CCNB3: variants seen among roughly 807,000 people sequenced by gnomAD.
CCNB3 encodes the protein G2/mitotic-specific cyclin-B3.
In CCNB3, 12 loss-of-function variants were observed where a neutral mutation model predicts 68.0. The observed-to-expected ratio is 0.18, with a 90% CI of 0.11 to 0.29. The LOEUF is 0.29. Ranked by LOEUF, CCNB3 falls within the 10% of genes least tolerant of loss-of-function variation. The pLI is 1.00. For synonymous variants in CCNB3, 354 were observed against 388.9 expected, an observed-to-expected ratio of 0.91 and a Z score of 1.06; for missense variants, 904 against 993.1, an observed-to-expected ratio of 0.91 and a Z score of 1.21.
intron 8 of CCNB3, among the ~76,000 whole-genome samples, chrX:50,337,948 G>A (rs527547406): frequency 1.8e-5 from 2 of 112,276 alleles, no homozygotes; most frequent in African/African-American, 3.2e-5. Context: ...ATTAGGCCAC[G>A]CTTCCACTCA....
intron 1 of CCNB3, among the ~76,000 whole-genome samples, chrX:50,228,686 A>ATATATATAGAATG (rs1372390663): frequency 2.3e-3 from 189 of 82,579 alleles, no homozygotes; most frequent in African/African-American, 8.5e-3. Flanking sequence ...TATATAGAAT[A>ATATATATAGAATG]TATACATAGA....
At chrX:50,279,528 T>G (rs1315338165) in intron 1 of CCNB3, among the ~76,000 whole-genome samples, 1 of 84,266 alleles carries the variant, frequency 1.2e-5, no homozygotes, top group South Asian at 5.4e-4. Context: ...TATAAAGATA[T>G]ATGAATATAT....
In CCNB3 at chrX:50,226,368, A is replaced by G. The variant is rs1935798138; in HGVS notation, c.-113+21418A>G. Among the ~76,000 whole-genome samples the G allele has an allele frequency of 4.3e-5, 3 of 69,195 alleles. No individual in the cohort carries two copies. The Admixed American group carries it at 6.9e-4, about 16-fold the overall frequency. The allele number at this position is 69,195 out of a possible 115,157, so 60.1% of individuals were successfully genotyped here. A position where few individuals can be genotyped will look rare whatever the true frequency, so the allele number is the denominator to read the frequency against. The stretch of plus-strand genomic sequence containing the variant: ...ATATATATAAAAATATGTATAGAAT[A>G]TATATAAAAATATATATATAGAATA... On this transcript the variant is annotated intron_variant, in intron 1 of 12. Coordinates refer to ENST00000376042, the MANE Select transcript of CCNB3 (RefSeq NM_033031.3).
chrX:50,213,701 C>T (rs1436575132), intron 1 of CCNB3, among the ~76,000 whole-genome samples: 1 of 111,329 alleles, frequency 9.0e-6, no homozygotes, highest in Admixed American at 9.6e-5. Context: ...TGGGACTATT[C>T]AAATGATGTA....
chrX:50,279,385 A>G (rs1488304997), intron 1 of CCNB3, among the ~76,000 whole-genome samples: 1 of 78,642 alleles, frequency 1.3e-5, no homozygotes, highest in African/African-American at 5.1e-5. Context: ...AATATATGAA[A>G]TATTTTGTAT....
rs782055594 is a variant in CCNB3 at position 50,312,537 on chromosome X, A to G, written c.3328A>G (p.Ile1110Val). 1.0e-5 allele frequency: 12 copies of G among 1,197,435 alleles called. No individual in the cohort carries two copies. The South Asian group carries it at 1.8e-4, about 18-fold the overall frequency. The part of the protein sequence containing the change: ...SPQAKGTPKE[I>V]TPREDIDEDS... ...TGTCTTTTTGGTGATTTCTAAGCAG[A>G]TAACCCCACGGGAAGATATTGATGA... Residue 1110 changes from isoleucine (I) to valine (V), a missense_variant and splice_region_variant, in exon 7 of 13, where the codon ATA (isoleucine) becomes GTA (valine). By Grantham distance (29) the Ile-to-Val change is conservative. Around this residue, in one of 2 missense-constraint regions of CCNB3, gnomAD observed 285 missense variants for 383.4 expected, o/e 0.74. Transcript: ENST00000376042.
chrX:50,343,711 A>C (rs917383757), intron 9 of CCNB3, among the ~76,000 whole-genome samples: 1 of 111,883 alleles, frequency 8.9e-6, no homozygotes, highest in African/African-American at 3.3e-5. Context: ...GTCTCAAAAG[A>C]AATTTTTTTT....
chrX:50,207,908 T>C (rs76631855), intron 1 of CCNB3, among the ~76,000 whole-genome samples: 1 of 111,377 alleles, frequency 9.0e-6, no homozygotes, highest in East Asian at 2.8e-4. Context: ...TCCATCACAC[T>C]CCAGCCACCC....
At chrX:50,204,473 C>G (rs1339273928), upstream of CCNB3, 5 of 108,081 alleles carry the variant, frequency 4.6e-5, no homozygotes, top group African/African-American at 1.7e-4. Context: ...TGCTTGGCAG[C>G]ACTGGCCACT....
chrX:50,326,588 T>C (rs1557217325), intron 8 of CCNB3, among the ~76,000 whole-genome samples: 1 of 111,333 alleles, frequency 9.0e-6, no homozygotes, highest in Non-Finnish European at 1.9e-5. Flanking sequence ...ATTGATTTGG[T>C]TTTGGCAGTA....
intron 5 of CCNB3, among the ~76,000 whole-genome samples, chrX:50,302,972 A>G (rs782558043): frequency 3.6e-5 from 4 of 111,316 alleles, no homozygotes; most frequent in East Asian, 5.7e-4. Flanking sequence ...TTTTGTGTAT[A>G]TACTTAGGAG....
intron 5 of CCNB3, among the ~76,000 whole-genome samples, chrX:50,308,077 C>T (rs1411634044): frequency 8.9e-6 from 1 of 111,996 alleles, no homozygotes; most frequent in East Asian, 2.8e-4. Context: ...AATTACCAGC[C>T]CATCTCTCTC....
chrX:50,308,468 C>A lies in CCNB3; in HGVS notation c.336-37C>A, dbSNP rs1324391229. On this transcript the variant is annotated intron_variant, in intron 5 of 12. Transcript: ENST00000376042. ...AAATGGTAGGTGAGGATTCTAGGAACTACATTTTTCTTACCCAGACATTGT... is the reference window on the plus strand; with the variant it reads ...AAATGGTAGGTGAGGATTCTAGGAAATACATTTTTCTTACCCAGACATTGT... 3 of 941,416 alleles carry A rather than the reference C, an allele frequency of 3.2e-6. No individual in the cohort carries two copies. In the African/African-American group the frequency reaches 6.0e-5, roughly 19 times the overall value. 77.6% of individuals were successfully genotyped at this position (941,416 alleles called of 1,213,427 possible).
chrX:50,228,095 ATAAT>A (rs1935949326), intron 1 of CCNB3, among the ~76,000 whole-genome samples: 1 of 87,574 alleles, frequency 1.1e-5, no homozygotes, highest in African/African-American at 4.3e-5. Flanking sequence ...GAGAATATAT[ATAAT>A]ATATAGAGAA....
At position 50,309,214 on chromosome X, in the gene CCNB3, T is replaced by C. The variant is rs1921260120; in HGVS notation, c.1045T>C (p.Ser349Pro). The change falls in exon 6 of 13, where the codon TCA becomes CCA. Residue 349 changes from serine to proline, a missense_variant. Ser to Pro is a moderately conservative substitution (Grantham distance 74). Transcript: ENST00000376042. ...TEHEMSILKKSLALQKTNFKE... is the reference protein window; with the variant it reads ...TEHEMSILKKPLALQKTNFKE... ...GCATGAGATGTCCATCTTGAAGAAA[T>C]CATTGGCCTTGCAGAAGACCAACTT... The C allele has an allele frequency of 4.1e-6, 5 of 1,207,443 alleles. No individual in the cohort carries two copies. In the South Asian group the frequency reaches 5.3e-5, roughly 13 times the overall value.
At chrX:50,346,350 G>A (rs1923402919) in intron 9 of CCNB3, among the ~76,000 whole-genome samples, 1 of 112,205 alleles carries the variant, frequency 8.9e-6, no homozygotes, top group Admixed American at 9.4e-5. Context: ...GAGGGCAGAT[G>A]GCTGCTCCTA....
At chrX:50,228,768 T>A (rs1305289479) in intron 1 of CCNB3, among the ~76,000 whole-genome samples, 2 of 75,190 alleles carry the variant, frequency 2.7e-5, no homozygotes, top group Non-Finnish European at 4.7e-5. Flanking sequence ...AATATATATA[T>A]AGAATACATA....
chrX:50,279,435 T>TATATATATAAATATATAA (rs1156985823), intron 1 of CCNB3, among the ~76,000 whole-genome samples: 3 of 74,795 alleles, frequency 4.0e-5, no homozygotes, highest in Non-Finnish European at 6.7e-5. Context: ...TATATATAAA[T>TATATATATAAATATATAA]ATATATATAA....
At chrX:50,328,905 G>T (rs1922433722) in intron 8 of CCNB3, among the ~76,000 whole-genome samples, 1 of 112,488 alleles carries the variant, frequency 8.9e-6, no homozygotes, top group Non-Finnish European at 1.9e-5. Context: ...ACCCAGTAGG[G>T]TTTAAATCTC....
Sources: gnomAD v4.1 joint callset for allele counts (sites outside exome capture counted in the v4.1 genomes callset) on GRCh38, gnomAD v4.1.1 for gene constraint, gnomAD v4.1.1 regional missense constraint, MANE v1.5 for transcripts, NCBI Gene and HGNC (gene_info 2026-07-23, HGNC 2026-07-21) for gene names.